PCCA: variants seen among roughly 807,000 people sequenced by gnomAD.
The protein encoded by PCCA is propionyl-CoA carboxylase subunit alpha, also known as propionyl-CoA carboxylase alpha chain, mitochondrial.
PCCA carries 74 observed loss-of-function variants against 101.3 expected under a neutral mutation model. The observed-to-expected ratio is 0.73, with a 90% CI of 0.61 to 0.89. The LOEUF is 0.89. Among genes scored for constraint, PCCA ranks in the 40% least tolerant of loss-of-function variants. PCCA has a pLI of 0.00. For synonymous variants in PCCA, 294 were observed against 313.6 expected (o/e 0.94, Z 0.66); for missense variants, 891 against 907.0 (o/e 0.98, Z 0.23).
At chr13:100,223,234 G>A (rs1465001840) in intron 7 of PCCA, among the ~76,000 whole-genome samples, 1 of 152,092 alleles carries the variant, frequency 6.6e-6, no homozygotes, top group Non-Finnish European at 1.5e-5. Flanking sequence ...TCTGTGTCCG[G>A]AATTGGTGGG....
chr13:100,168,601 T>C (rs1264690171), intron 6 of PCCA, among the ~76,000 whole-genome samples: 2 of 152,218 alleles, frequency 1.3e-5, no homozygotes, highest in Non-Finnish European at 2.9e-5. Flanking sequence ...GGGGAAAATA[T>C]TCAAGTTCTA....
At chr13:100,155,742 A>T (rs1594418929) in intron 5 of PCCA, among the ~76,000 whole-genome samples, 1 of 152,230 alleles carries the variant, frequency 6.6e-6, no homozygotes, top group East Asian at 1.9e-4. Flanking sequence ...ATGCAAAGTT[A>T]TCTCTAAAAC....
rs548813686 is a variant in PCCA at position 100,333,171 on chromosome 13, ATTC to A, written c.1540+2507_1540+2509del. 2.9e-3 allele frequency among the ~76,000 whole-genome samples: 441 copies of A among 152,046 alleles called. 1 individual carries two copies. The highest frequency in any genetic ancestry group is 0.01 in the African/African-American group (420 of 41,444). The stretch of plus-strand genomic sequence containing the variant: ...CTTCTTTGAGTGGTTACTGTCTGTC[ATTC>A]TTCTTCAGATTGCTGTATTTTCCCC... On this transcript the variant is annotated intron_variant, in intron 17 of 23. Transcript: ENST00000376285.
At chr13:100,301,396 CTTGT>C (rs1363386447) in intron 12 of PCCA, 60 bp from the exon 13 acceptor site, 2 of 1,583,096 alleles carry the variant, frequency 1.3e-6, no homozygotes, top group African/African-American at 2.7e-5. Flanking sequence ...TGTGATTTTT[CTTGT>C]TTGTTTCTAT....
chr13:100,204,289 A>G (rs1313951855), intron 6 of PCCA, among the ~76,000 whole-genome samples: 1 of 151,962 alleles, frequency 6.6e-6, no homozygotes, highest in Non-Finnish European at 1.5e-5. Flanking sequence ...ACAGGTATAC[A>G]CCACCATGCC....
chr13:100,355,059 A>G (rs989262243), intron 18 of PCCA, among the ~76,000 whole-genome samples: 1 of 152,208 alleles, frequency 6.6e-6, no homozygotes, highest in Non-Finnish European at 1.5e-5. Context: ...AAAAATTCCC[A>G]ACCAAATAGT....
At position 100,257,696 on chromosome 13, in the gene PCCA, C is replaced by A. The variant is rs762227384; in HGVS notation, c.716+23C>A. 4.4e-6 allele frequency: 7 copies of A among 1,574,490 alleles called. No homozygotes were observed. The South Asian group carries it at 5.6e-5, about 13-fold the overall frequency. ...CAGGTGAGAGGCTGTCCAAAATATA[C>A]TTTTGATGAAAATTGCAGTTACCAG... On this transcript the variant is annotated intron_variant, in intron 9 of 23. Coordinates refer to ENST00000376285, the MANE Select transcript of PCCA (RefSeq NM_000282.4).
chr13:100,188,826 G>C (rs1006314424), intron 6 of PCCA, among the ~76,000 whole-genome samples: 2 of 151,880 alleles, frequency 1.3e-5, no homozygotes, highest in Non-Finnish European at 2.9e-5. Context: ...AGCATATATT[G>C]AAGTTTGTTG....
At chr13:100,312,675 CCA>C (rs1235067054) in intron 16 of PCCA, among the ~76,000 whole-genome samples, 2 of 152,316 alleles carry the variant, frequency 1.3e-5, no homozygotes, top group East Asian at 1.9e-4. Context: ...TGCTGACCAA[CCA>C]CAGTGTCCGC....
chr13:100,488,583 G>C (rs2084595005), intron 21 of PCCA, among the ~76,000 whole-genome samples: 1 of 151,738 alleles, frequency 6.6e-6, no homozygotes. Context: ...GACCAGCCTG[G>C]GCAACAACAT....
intron 12 of PCCA, among the ~76,000 whole-genome samples, chr13:100,274,601 G>A (rs1280918217): frequency 3.3e-5 from 5 of 152,130 alleles, no homozygotes; most frequent in African/African-American, 9.7e-5. Context: ...TTCTGGTGTT[G>A]CCGACAGTCC....
At chr13:100,505,363 T>G (rs2152991294) in intron 21 of PCCA, among the ~76,000 whole-genome samples, 1 of 152,366 alleles carries the variant, frequency 6.6e-6, no homozygotes, top group African/African-American at 2.4e-5. Context: ...TTTAACTGTC[T>G]AAGGAAAAGA....
At chr13:100,193,700 CT>C (rs2057894357) in intron 6 of PCCA, among the ~76,000 whole-genome samples, 1 of 152,154 alleles carries the variant, frequency 6.6e-6, no homozygotes, top group Non-Finnish European at 1.5e-5. Flanking sequence ...CATCATTGCT[CT>C]TAATCAGAAT....
intron 19 of PCCA, among the ~76,000 whole-genome samples, chr13:100,422,127 C>CTT (rs1567109750): frequency 2.7e-5 from 2 of 74,756 alleles, no homozygotes; most frequent in African/African-American, 1.2e-4. Flanking sequence ...TCTTTTCTTT[C>CTT]TTTCTTTCTT....
intron 14 of PCCA, chr13:100,305,682 C>G (rs1847785536): frequency 3.6e-6 from 1 of 275,786 alleles, no homozygotes; most frequent in Non-Finnish European, 7.5e-6. Flanking sequence ...TTTTGGGGCT[C>G]TTTAATGTGG....
chr13:100,529,810 G>T (rs2088228930), intron 23 of PCCA, among the ~76,000 whole-genome samples: 1 of 152,192 alleles, frequency 6.6e-6, no homozygotes, highest in Non-Finnish European at 1.5e-5. Context: ...CAGAGCGCAG[G>T]CCACAGCGCA....
chr13:100,243,855 T>G (rs920535675), intron 8 of PCCA, among the ~76,000 whole-genome samples: 4 of 152,250 alleles, frequency 2.6e-5, no homozygotes, highest in Non-Finnish European at 5.9e-5. Flanking sequence ...ATTCTTCTCA[T>G]CTTCCTTTTG....
At chr13:100,253,296 A>G (rs926390614) in intron 8 of PCCA, among the ~76,000 whole-genome samples, 2 of 152,126 alleles carry the variant, frequency 1.3e-5, no homozygotes, top group Non-Finnish European at 2.9e-5. Context: ...ACTCAGACAT[A>G]TATTTAGATG....
At chr13:100,442,249 C>CTCGGCT (rs2080431517) in intron 20 of PCCA, among the ~76,000 whole-genome samples, 1 of 152,172 alleles carries the variant, frequency 6.6e-6, no homozygotes, top group Admixed American at 6.5e-5. Flanking sequence ...CTTCCTTGAC[C>CTCGGCT]TCCCAAAGTG....
Sources: gnomAD v4.1 joint callset for allele counts (sites outside exome capture counted in the v4.1 genomes callset) on GRCh38, gnomAD v4.1.1 for gene constraint, MANE v1.5 for transcripts, NCBI Gene and HGNC (gene_info 2026-07-23, HGNC 2026-07-21) for gene names.